AGBL1: variants seen among roughly 807,000 people sequenced by gnomAD.
AGBL1 encodes cytosolic carboxypeptidase 4.
In AGBL1, 130 loss-of-function variants were observed where a neutral mutation model predicts 118.9. The observed-to-expected ratio is 1.09, with a 90% confidence interval of 0.95 to 1.26. The LOEUF (loss-of-function observed/expected upper bound fraction) is 1.26, where lower values mean the gene tolerates loss of function less well. Ranked by LOEUF, AGBL1 falls within the 50% of genes most tolerant of loss-of-function variation. The pLI is 0.00. For missense variants in AGBL1, 1,584 were observed against 1,298.1 expected, an observed-to-expected ratio of 1.22 and a Z score of -3.38; for synonymous variants, 555 against 478.9, an observed-to-expected ratio of 1.16 and a Z score of -2.08.
chr15:87,029,497 T>C (rs1401000996), downstream of AGBL1, among the ~76,000 whole-genome samples: 1 of 107,220 alleles, frequency 9.3e-6, no homozygotes, highest in African/African-American at 5.9e-5. Flanking sequence ...TTTATAATAA[T>C]AACAACAACG....
At chr15:86,315,034 G>C (rs187117561) in intron 17 of AGBL1, among the ~76,000 whole-genome samples, 7 of 152,124 alleles carry the variant, frequency 4.6e-5, no homozygotes, top group Admixed American at 1.3e-4. Flanking sequence ...ATGAGGTAAG[G>C]TATGTTTTCC....
chr15:86,117,221 C>T (rs1189044679), intron 1 of AGBL1, among the ~76,000 whole-genome samples: 2 of 152,062 alleles, frequency 1.3e-5, no homozygotes, highest in African/African-American at 4.8e-5. Flanking sequence ...TTGAGAACAC[C>T]CCGGGCTCTG....
chr15:86,817,293 G>GA (rs71144068), intron 22 of AGBL1, among the ~76,000 whole-genome samples: 70,066 of 127,322 alleles, frequency 0.55, 18,196 homozygotes, highest in Admixed American at 0.61. Flanking sequence ...ACTCCATCTG[G>GA]AAAAAAAAAA....
chr15:86,455,729 C>T (rs1171096919), intron 18 of AGBL1, among the ~76,000 whole-genome samples: 1 of 152,112 alleles, frequency 6.6e-6, no homozygotes, highest in Non-Finnish European at 1.5e-5. Context: ...TCACTTAAAA[C>T]TCTCTGAGGT....
At chr15:86,342,196 G>A (rs540078957) in intron 17 of AGBL1, among the ~76,000 whole-genome samples, 5 of 152,196 alleles carry the variant, frequency 3.3e-5, no homozygotes, top group Middle Eastern at 6.8e-3. Context: ...GTGTTCATGA[G>A]CACTGTCTAA....
chr15:86,816,795 A>G (rs2078863621), intron 22 of AGBL1, among the ~76,000 whole-genome samples: 1 of 152,210 alleles, frequency 6.6e-6, no homozygotes, highest in Non-Finnish European at 1.5e-5. Flanking sequence ...CAATCATGTC[A>G]TCTTATCTTT....
intron 5 of AGBL1, among the ~76,000 whole-genome samples, chr15:86,224,354 C>G (rs1237414209): frequency 1.3e-5 from 2 of 152,088 alleles, no homozygotes; most frequent in African/African-American, 4.8e-5. Flanking sequence ...TCCTCCATGG[C>G]AGAAAGGAAT....
intron 17 of AGBL1, among the ~76,000 whole-genome samples, chr15:86,361,285 T>G (rs529748173): frequency 2.4e-4 from 37 of 152,196 alleles, no homozygotes; most frequent in Non-Finnish European, 2.8e-4. Context: ...ATTTCTATTT[T>G]TATTCCATTG....
chr15:86,676,225 A>C (rs905931004), intron 22 of AGBL1, among the ~76,000 whole-genome samples: 4 of 152,182 alleles, frequency 2.6e-5, no homozygotes, highest in Non-Finnish European at 4.4e-5. Flanking sequence ...TTTGGCAGGC[A>C]TGGAGTTTGG....
chr15:86,564,060 C>A lies in AGBL1; in HGVS notation c.2994+9523C>A, dbSNP rs148984403. Among the ~76,000 whole-genome samples, 694 of 152,272 alleles carry A rather than the reference C, an allele frequency of 4.6e-3. 2 individuals are homozygous for A. The highest frequency in any genetic ancestry group is 0.016 in the African/African-American group (668 of 41,534). On this transcript the variant is annotated intron_variant, in intron 21 of 22. Transcript: ENST00000614907. ...AGATGGGTCTCCTGAATACAGCACA[C>A]GGATGGGTCTTGACTCTTTATCCAA...
intron 17 of AGBL1, among the ~76,000 whole-genome samples, chr15:86,351,966 T>G (rs1365921564): frequency 1.3e-5 from 2 of 152,132 alleles, no homozygotes; most frequent in Non-Finnish European, 1.5e-5. Flanking sequence ...GGCACATGAT[T>G]TATAGGACTC....
intron 22 of AGBL1, among the ~76,000 whole-genome samples, chr15:86,808,269 C>T (rs527937624): frequency 6.6e-5 from 10 of 152,268 alleles, no homozygotes; most frequent in South Asian, 6.2e-4. Flanking sequence ...CCATGCTACC[C>T]GTGCCTTTCC....
intron 17 of AGBL1, among the ~76,000 whole-genome samples, chr15:86,348,611 C>G (rs1041002324): frequency 3.3e-5 from 5 of 152,050 alleles, no homozygotes; most frequent in Non-Finnish European, 7.4e-5. Context: ...AACCCTGTCT[C>G]TACTAAAAAT....
chr15:86,390,259 A>C (rs932615772), intron 17 of AGBL1, among the ~76,000 whole-genome samples: 1 of 152,208 alleles, frequency 6.6e-6, no homozygotes, highest in African/African-American at 2.4e-5. Context: ...AAGAATTGAC[A>C]ACATAATATG....
intron 18 of AGBL1, among the ~76,000 whole-genome samples, chr15:86,463,914 G>A (rs868063855): frequency 6.6e-5 from 10 of 152,092 alleles, no homozygotes; most frequent in Non-Finnish European, 1.2e-4. Flanking sequence ...GATTGTCTTG[G>A]CTATACAGGC....
At chr15:86,992,254 C>T (rs2081342486) in intron 24 of AGBL1, among the ~76,000 whole-genome samples, 2 of 151,952 alleles carry the variant, frequency 1.3e-5, no homozygotes, top group South Asian at 2.1e-4. Flanking sequence ...GACACCAAGC[C>T]ATTCATGAGG....
intron 22 of AGBL1, among the ~76,000 whole-genome samples, chr15:86,731,512 G>T (rs1295839739): frequency 6.6e-6 from 1 of 152,148 alleles, no homozygotes; most frequent in Non-Finnish European, 1.5e-5. Context: ...GTGATGATTT[G>T]CCAAGCAGCA....
chr15:86,849,520 T>TC lies in AGBL1; in HGVS notation c.3159-57567_3159-57566insC, dbSNP rs201488540. Among the ~76,000 whole-genome samples, 1,451 of 149,574 alleles carry TC rather than the reference T, an allele frequency of 9.7e-3. 71 individuals carry two copies. The East Asian group carries it at 0.15, about 16-fold the overall frequency. Reference sequence around the variant, plus strand: ...TGATGGCTTTCTTTCTTTCTTTCTTTTTTTTTTTTTTTGGCTGATCTTATG... The same window carrying TC: ...TGATGGCTTTCTTTCTTTCTTTCTTTCTTTTTTTTTTTTGGCTGATCTTATG... On this transcript the variant is annotated intron_variant, in intron 22 of 22. Transcript: ENST00000614907.
intron 11 of AGBL1, among the ~76,000 whole-genome samples, chr15:86,266,089 G>C (rs1367964366): frequency 6.6e-6 from 1 of 152,168 alleles, no homozygotes; most frequent in East Asian, 1.9e-4. Flanking sequence ...CCCAACGCAA[G>C]TGCTTTTGAT....
Sources: gnomAD v4.1 joint callset for allele counts (sites outside exome capture counted in the v4.1 genomes callset) on GRCh38, gnomAD v4.1.1 for gene constraint, MANE v1.5 for transcripts, NCBI Gene and HGNC (gene_info 2026-07-23, HGNC 2026-07-21) for gene names.